Variants in ZC3H12B observed in about 807,000 individuals in gnomAD.
The protein encoded by ZC3H12B is probable ribonuclease ZC3H12B.
In ZC3H12B, 7 loss-of-function variants were observed where a neutral mutation model predicts 43.9. The observed-to-expected ratio is 0.16, with a 90% CI of 0.09 to 0.30. ZC3H12B has a LOEUF of 0.30. ZC3H12B is among the 10% of genes least tolerant of loss of function. ZC3H12B has a pLI of 1.00. For missense variants in ZC3H12B, 475 were observed against 670.2 expected (o/e 0.71, Z 3.22); for synonymous variants, 222 against 241.7 (o/e 0.92, Z 0.76).
intron 2 of ZC3H12B, among the ~76,000 whole-genome samples, chrX:65,369,384 T>C (rs1056990402): frequency 2.7e-5 from 3 of 111,950 alleles, no homozygotes; most frequent in Admixed American, 1.9e-4. Context: ...AAAACTATCT[T>C]AAGCAGGTTA....
At chrX:65,113,936 G>T in the ZC3H12B span, among the ~76,000 whole-genome samples, 1 of 92,327 alleles carries the variant, frequency 1.1e-5, no homozygotes, top group Non-Finnish European at 2.1e-5. Flanking sequence ...TGCGATACTT[G>T]CTTTAGGCAG....
At chrX:65,170,348 G>T in the ZC3H12B span, among the ~76,000 whole-genome samples, 2 of 111,895 alleles carry the variant, frequency 1.8e-5, no homozygotes, top group Admixed American at 1.9e-4. Context: ...ATTTAAGATT[G>T]TTGAATATTT....
chrX:65,067,040 G>A, the ZC3H12B span, among the ~76,000 whole-genome samples: 10 of 111,631 alleles, frequency 9.0e-5, no homozygotes, highest in Non-Finnish European at 1.5e-4. Context: ...TGCTGGCAGC[G>A]AGAATTTCAA....
the ZC3H12B span, among the ~76,000 whole-genome samples, chrX:65,223,978 T>G: frequency 2.7e-5 from 3 of 112,331 alleles, no homozygotes; most frequent in Admixed American, 9.4e-5. Context: ...AAGAAGTCAT[T>G]ATATGAAAAA....
At chrX:65,201,944 A>C in the ZC3H12B span, among the ~76,000 whole-genome samples, 1 of 103,191 alleles carries the variant, frequency 9.7e-6, no homozygotes, top group Non-Finnish European at 2.0e-5. Flanking sequence ...TGCCCTGTGA[A>C]GAGGTGCCTT....
intron 3 of ZC3H12B, among the ~76,000 whole-genome samples, chrX:65,457,431 G>A (rs199981941): frequency 2.8e-4 from 20 of 71,130 alleles, no homozygotes; most frequent in East Asian, 4.4e-4. Flanking sequence ...CGCCCCGTCC[G>A]GGAGGGTGGT....
At chrX:65,503,141 A>G in exon 5 of ZC3H12B, 1 of 1,211,506 alleles carries the variant, frequency 8.3e-7, no homozygotes, top group Non-Finnish European at 1.1e-6. Flanking sequence ...GATGGAGAAG[A>G]ATCCCCACAC....
intron 2 of ZC3H12B, among the ~76,000 whole-genome samples, chrX:65,375,548 G>A (rs1177592213): frequency 1.8e-5 from 2 of 111,880 alleles, no homozygotes; most frequent in Non-Finnish European, 3.8e-5. Context: ...TTCCACTTGT[G>A]GAAATGAGAG....
chrX:65,371,738 T>C (rs777482359), intron 2 of ZC3H12B, among the ~76,000 whole-genome samples: 1 of 112,085 alleles, frequency 8.9e-6, no homozygotes, highest in South Asian at 3.7e-4. Context: ...TTTAATATCA[T>C]TTGAAGAAAG....
At chrX:65,088,564 C>A in the ZC3H12B span, among the ~76,000 whole-genome samples, 1 of 111,853 alleles carries the variant, frequency 8.9e-6, no homozygotes, top group African/African-American at 3.2e-5. Context: ...TCTTTTTCAG[C>A]TTCTGCTTAA....
At chrX:65,137,344 G>T in the ZC3H12B span, among the ~76,000 whole-genome samples, 2 of 111,988 alleles carry the variant, frequency 1.8e-5, no homozygotes, top group Admixed American at 1.9e-4. Flanking sequence ...TGAGTAAAGG[G>T]AAAAATTAAT....
chrX:65,185,869 T>A, the ZC3H12B span: 2 of 111,698 alleles, frequency 1.8e-5, no homozygotes, highest in Non-Finnish European at 3.8e-5. Context: ...TATAGCTTAT[T>A]TACTGATGTG....
chrX:65,501,998 C>T (rs1339377101), exon 5 of ZC3H12B: 2 of 1,209,555 alleles, frequency 1.7e-6, no homozygotes, highest in Non-Finnish European at 2.2e-6. Flanking sequence ...GGCCCCCAAG[C>T]GCCAATCAGA....
At chrX:65,115,725 T>A in the ZC3H12B span, among the ~76,000 whole-genome samples, 157 of 111,553 alleles carry the variant, frequency 1.4e-3, 1 homozygote, top group African/African-American at 5.0e-3. Context: ...TGTATTTTTT[T>A]AATTTTTTGA....
At chrX:65,272,773 G>A in the ZC3H12B span, 1 of 112,109 alleles carries the variant, frequency 8.9e-6, no homozygotes, top group Non-Finnish European at 1.9e-5. Flanking sequence ...TGACTTTACA[G>A]ATGATATGGA....
chrX:65,289,209 G>A, the ZC3H12B span, among the ~76,000 whole-genome samples: 7 of 111,118 alleles, frequency 6.3e-5, no homozygotes, highest in African/African-American at 1.3e-4. Context: ...CAAAATAACA[G>A]TGGCATTATT....
the ZC3H12B span, among the ~76,000 whole-genome samples, chrX:65,196,241 G>A: frequency 3.7e-5 from 4 of 108,736 alleles, no homozygotes; most frequent in Admixed American, 2.0e-4. Flanking sequence ...CCCTCGTGAG[G>A]CAAGCTGGGA....
At chrX:65,175,128 G>A in the ZC3H12B span, among the ~76,000 whole-genome samples, 3 of 111,335 alleles carry the variant, frequency 2.7e-5, no homozygotes, top group Non-Finnish European at 3.8e-5. Context: ...CTTGGATGGG[G>A]GACAGAGGTC....
chrX:65,203,445 A>G, the ZC3H12B span, among the ~76,000 whole-genome samples: 3 of 110,679 alleles, frequency 2.7e-5, no homozygotes, highest in Non-Finnish European at 5.7e-5. Context: ...GTCAGCAGGT[A>G]ATGAATTCTG....
Sources: gnomAD v4.1 joint callset for allele counts (sites outside exome capture counted in the v4.1 genomes callset) on GRCh38, gnomAD v4.1.1 for gene constraint, MANE v1.5 for transcripts, NCBI Gene and HGNC (gene_info 2026-07-23, HGNC 2026-07-21) for gene names.